The following CDH4 variants were observed in gnomAD, a reference collection of about 807,000 sequenced individuals.
The protein encoded by CDH4 is cadherin-4.
CDH4 carries 33 observed loss-of-function variants against 86.0 expected under a neutral mutation model. The ratio of observed to expected loss-of-function variants is 0.38; its 90% CI spans 0.29 to 0.51. The LOEUF (loss-of-function observed/expected upper bound fraction) is 0.51. CDH4 is among the 20% of genes least tolerant of loss of function. The pLI is 0.86. For synonymous variants in CDH4, 555 were observed against 549.4 expected, an observed-to-expected ratio of 1.01 and a Z score of -0.14; for missense variants, 1,114 against 1,307.4, an observed-to-expected ratio of 0.85 and a Z score of 2.28.
rs375843066 is a variant in CDH4, at chr20:61,469,334, ATC to A, written c.169+214399_169+214400del. Among the ~76,000 whole-genome samples, 295 of 152,282 alleles carry A rather than the reference ATC, an allele frequency of 1.9e-3. 2 individuals carry two copies. Among genetic ancestry groups the A allele is most frequent in the African/African-American group, 6.7e-3 (278 of 41,582 alleles). On this transcript the variant is annotated intron_variant, in intron 2 of 15. Transcript: ENST00000614565. ...AGTGATACTGAGCACATTTCCATAT[ATC>A]TGTTTGCCATTTGTACATCATCTTT... is the stretch of plus-strand genomic sequence containing the variant.
chr20:61,771,563 G>A (rs1362750397), intron 3 of CDH4, among the ~76,000 whole-genome samples: 5 of 147,308 alleles, frequency 3.4e-5, no homozygotes, highest in Admixed American at 1.4e-4. Flanking sequence ...GGCAGAGGTT[G>A]CAGTGAGCCA....
intron 8 of CDH4, among the ~76,000 whole-genome samples, chr20:61,895,387 A>G (rs1985057741): frequency 6.6e-6 from 1 of 152,224 alleles, no homozygotes; most frequent in Non-Finnish European, 1.5e-5. Context: ...CCGCTTGGGG[A>G]ATGCCCAGAT....
rs956202275 is a variant in CDH4 at position 61,584,865 on chromosome 20, C to T, written c.170-158698C>T. ...GGGCCAGCAGCTCTCCCGCACTGCA[C>T]ACTTGTCGTCTGCAGGTCACAGTGA... On this transcript the variant is annotated intron_variant, in intron 2 of 15. Transcript: ENST00000614565. 7.8e-3 allele frequency among the ~76,000 whole-genome samples: 28 copies of T among 3,584 alleles called. No homozygotes were observed. The African/African-American group carries it at 0.083, about 11-fold the overall frequency. 2.4% of individuals were successfully genotyped at this position (3,584 alleles called of 152,430 possible). A position where few individuals can be genotyped will look rare whatever the true frequency, so the allele number is the denominator to read the frequency against.
chr20:61,566,111 A>G (rs1200761860), intron 2 of CDH4, among the ~76,000 whole-genome samples: 1 of 152,076 alleles, frequency 6.6e-6, no homozygotes. Flanking sequence ...CTGCTGGGGC[A>G]TCACTGGGCT....
At chr20:61,362,469 T>C (rs113983194) in intron 2 of CDH4, among the ~76,000 whole-genome samples, 1 of 134,818 alleles carries the variant, frequency 7.4e-6, no homozygotes, top group Non-Finnish European at 1.6e-5. Flanking sequence ...TAGGACAGCG[T>C]AGGGGAGAGC....
At chr20:61,927,179 G>C (rs149129205) in intron 11 of CDH4, among the ~76,000 whole-genome samples, 1 of 152,254 alleles carries the variant, frequency 6.6e-6, no homozygotes, top group Non-Finnish European at 1.5e-5. Flanking sequence ...GTCAAAACAC[G>C]TGGTTGTTAA....
chr20:61,565,284 G>C lies in CDH4; in HGVS notation c.170-178279G>C, dbSNP rs1205045992. Among the ~76,000 whole-genome samples, 9 of 97,784 alleles carry C rather than the reference G, an allele frequency of 9.2e-5. 1 individual carries two copies. The highest frequency in any genetic ancestry group is 1.3e-4 in the Non-Finnish European group (6 of 46,904). 64.2% of individuals were successfully genotyped at this position (97,784 alleles called of 152,430 possible). A position where few individuals can be genotyped will look rare whatever the true frequency, so the allele number is the denominator to read the frequency against. ...GGTGGTGGTGGTCCTCTTGGTGATG[G>C]GGTGATGGTGGTGGCGGTGCTCTTG... is the stretch of plus-strand genomic sequence containing the variant. On this transcript the variant is annotated intron_variant, in intron 2 of 15. Transcript: ENST00000614565.
intron 2 of CDH4, among the ~76,000 whole-genome samples, chr20:61,643,166 A>G (rs1568729811): frequency 6.6e-6 from 1 of 152,216 alleles, no homozygotes. Flanking sequence ...GGTCAGGGCC[A>G]TGCACTGTGT....
intron 6 of CDH4, among the ~76,000 whole-genome samples, chr20:61,867,642 C>T (rs1413400614): frequency 6.6e-6 from 1 of 152,106 alleles, no homozygotes; most frequent in Non-Finnish European, 1.5e-5. Flanking sequence ...TTCCTCCTCC[C>T]CCCAGGCCCC....
intron 2 of CDH4, among the ~76,000 whole-genome samples, chr20:61,481,961 A>G (rs2085570850): frequency 6.6e-6 from 1 of 152,120 alleles, no homozygotes; most frequent in Non-Finnish European, 1.5e-5. Context: ...TGTCTCATCC[A>G]TGGTGATTTT....
chr20:61,694,243 G>A (rs1313798827), intron 2 of CDH4, among the ~76,000 whole-genome samples: 1 of 152,170 alleles, frequency 6.6e-6, no homozygotes, highest in Non-Finnish European at 1.5e-5. Context: ...GGCGCAGGTA[G>A]AGTGGGAAGG....
intron 2 of CDH4, among the ~76,000 whole-genome samples, chr20:61,550,019 C>T (rs2086115910): frequency 6.6e-6 from 1 of 151,672 alleles, no homozygotes; most frequent in Non-Finnish European, 1.5e-5. Context: ...CAGCCCTGGC[C>T]TCCTTGTCCT....
chr20:61,788,031 A>G (rs531280898), intron 4 of CDH4, among the ~76,000 whole-genome samples: 1 of 152,310 alleles, frequency 6.6e-6, no homozygotes, highest in South Asian at 2.1e-4. Flanking sequence ...AAATTGATTT[A>G]CCAAGACCCC....
In CDH4 at chr20:61,867,269, G is replaced by A. The variant is rs140127168; in HGVS notation, c.878-6459G>A. ...CCTCCCCTCAAAGAGCTTATGATAG[G>A]CCAGGCACGGTAGCTCACACCTGTA... On this transcript the variant is annotated intron_variant, in intron 6 of 15. Transcript: ENST00000614565. 8.6e-3 allele frequency among the ~76,000 whole-genome samples: 1,314 copies of A among 152,340 alleles called. 6 individuals are homozygous for A. The highest frequency in any genetic ancestry group is 0.015 in the Non-Finnish European group (991 of 68,036).
At position 61,383,175 on chromosome 20, in the gene CDH4, ATT is replaced by A. The variant is rs1491246717; in HGVS notation, c.169+128240_169+128241del. Reference sequence around the variant, plus strand: ...ATGAATATATTATATATATGAATATATTTATGAATATATATGAATATATTTAT... The same window carrying A: ...ATGAATATATTATATATATGAATATATATGAATATATATGAATATATTTAT... On this transcript the variant is annotated intron_variant, in intron 2 of 15. Coordinates refer to ENST00000614565, the MANE Select transcript of CDH4 (RefSeq NM_001794.5). Among the ~76,000 whole-genome samples, 18 of 85,288 alleles carry A rather than the reference ATT, an allele frequency of 2.1e-4. 2 individuals carry two copies. Among genetic ancestry groups the A allele is most frequent in the African/African-American group, 8.8e-4 (14 of 15,860 alleles). The allele number at this position is 85,288 out of a possible 152,430, so 56.0% of individuals were successfully genotyped here. A position where few individuals can be genotyped will look rare whatever the true frequency, so the allele number is the denominator to read the frequency against.
Position 61,377,305 on chromosome 20 carries a change from G to A in CDH4, c.169+122368G>A, listed in dbSNP as rs891670694. ...CAGCATCATTTAGGTGACACAGCCC[G>A]GGACTCCTGGGCCCTGACGAATCCA... On this transcript the variant is annotated intron_variant, in intron 2 of 15. Transcript: ENST00000614565. This position sits in a 1 kb window ranked among gnomAD's most constrained non-coding sequence, Gnocchi z 4.0. Among the ~76,000 whole-genome samples the A allele has an allele frequency of 2.0e-5, 3 of 152,148 alleles. No individual in the cohort carries two copies. The highest frequency in any genetic ancestry group is 2.9e-5 in the Non-Finnish European group (2 of 68,022).
At chr20:61,399,936 C>T (rs1332093168) in intron 2 of CDH4, among the ~76,000 whole-genome samples, 1 of 152,192 alleles carries the variant, frequency 6.6e-6, no homozygotes, top group Non-Finnish European at 1.5e-5. Context: ...AACCAACCCC[C>T]TGGACAGCTG....
chr20:61,358,779 C>T (rs2084767474), intron 2 of CDH4, among the ~76,000 whole-genome samples: 2 of 152,186 alleles, frequency 1.3e-5, no homozygotes, highest in Admixed American at 1.3e-4. Flanking sequence ...GTAATTCCCA[C>T]CCAGGGAACA....
In CDH4 at chr20:61,480,496, A is replaced by T. The variant is rs2085562834; in HGVS notation, c.169+225559A>T. 6.6e-6 allele frequency among the ~76,000 whole-genome samples: 1 copy of T among 152,186 alleles called. No homozygotes were observed. Among genetic ancestry groups the T allele is most frequent in the Non-Finnish European group, 1.5e-5 (1 of 68,034 alleles). On this transcript the variant is annotated intron_variant, in intron 2 of 15. Coordinates refer to ENST00000614565, the MANE Select transcript of CDH4 (RefSeq NM_001794.5). The surrounding 1 kb of genome is among the most constrained non-coding windows in gnomAD (Gnocchi z 5.2). ...GCCCGATGAGACATGTTCCCTGAGG[A>T]ACCCAGGCAGAACTGGACCCTGCAG...
Sources: allele counts gnomAD v4.1 joint callset (sites outside exome capture counted in the v4.1 genomes callset), GRCh38; gene constraint gnomAD v4.1.1; non-coding constraint Gnocchi (gnomAD v3.1); transcripts MANE v1.5; gene names NCBI Gene and HGNC (gene_info 2026-07-23, HGNC 2026-07-21).